Variants in CACNA1E observed in about 807,000 individuals in gnomAD.
CACNA1E encodes calcium voltage-gated channel subunit alpha1 E, also known as voltage-dependent R-type calcium channel subunit alpha-1E.
A neutral mutation model predicts 259.2 loss-of-function variants in CACNA1E; 40 were observed. The observed-to-expected ratio is 0.15, with a 90% CI of 0.12 to 0.20. CACNA1E has a LOEUF of 0.20. CACNA1E is among the 10% of genes least tolerant of loss of function. CACNA1E has a pLI of 1.00. For missense variants in CACNA1E, 1,874 were observed against 3,040.1 expected (o/e 0.62, Z 9.02); for synonymous variants, 1,104 against 1,138.5 (o/e 0.97, Z 0.61).
intron 6 of CACNA1E, among the ~76,000 whole-genome samples, chr1:181,647,567 C>T (rs554093723): frequency 6.5e-4 from 99 of 152,336 alleles, no homozygotes; most frequent in Non-Finnish European, 1.3e-3. Flanking sequence ...CCGACTTCCA[C>T]TTCACGTGCT....
rs530820072 is a variant in CACNA1E at position 181,348,720 on chromosome 1, A to C, written c.-15+30597A>C. The stretch of plus-strand genomic sequence containing the variant: ...GGGTGAGTTCTCCTTTCTCCTCTTA[A>C]ATGCTCCAGCCTTGAAAGCCATATT... On this transcript the variant is annotated intron_variant, in intron 1 of 11. Transcript: ENST00000524607. Among the ~76,000 whole-genome samples, 188 of 152,194 alleles carry C rather than the reference A, an allele frequency of 1.2e-3. 1 individual carries two copies. Among genetic ancestry groups the C allele is most frequent in the African/African-American group, 4.3e-3 (180 of 41,524 alleles).
At chr1:181,738,474 C>A (rs1656263725) in intron 24 of CACNA1E, 48 bp downstream of exon 24, 2 of 1,416,110 alleles carry the variant, frequency 1.4e-6, no homozygotes, top group Non-Finnish European at 2.0e-6. Context: ...AGATGGGTCA[C>A]CTGTCTGCTC....
chr1:181,796,960 C>A, intron 47 of CACNA1E, 102 bp downstream of exon 47: 1 of 781,620 alleles, frequency 1.3e-6, no homozygotes, highest in Non-Finnish European at 2.0e-6. Flanking sequence ...ATTCAAGTAC[C>A]CACAAAGACT....
At chr1:181,351,873 A>T (rs1653069060) in intron 1 of CACNA1E, among the ~76,000 whole-genome samples, 1 of 152,180 alleles carries the variant, frequency 6.6e-6, no homozygotes, top group Non-Finnish European at 1.5e-5. Flanking sequence ...CTCTTTTGCT[A>T]TATTAGGGTC....
At position 181,762,588 on chromosome 1, in the gene CACNA1E, C is replaced by T; in HGVS notation, c.4620C>T (p.Asp1540=). The change falls in exon 33 of 48, where the codon GAC becomes GAT. Residue 1540 remains aspartate (D), a synonymous_variant. Transcript: ENST00000367573. ...TCATTTGGCAGAACTATTTCCGAGA[C>T]ACCTGGAATATCTTTGACTTCATCA... ...IAFGFLNYFR[D]TWNIFDFITV... is the part of the protein sequence containing the mutation. 6.2e-7 allele frequency: 1 copy of T among 1,606,120 alleles called. No homozygotes were observed.
At chr1:181,435,050 C>T (rs1309388624) in intron 2 of CACNA1E, among the ~76,000 whole-genome samples, 1 of 152,212 alleles carries the variant, frequency 6.6e-6, no homozygotes, top group Non-Finnish European at 1.5e-5. Context: ...TATCATCAGT[C>T]AAAACTGCAT....
intron 2 of CACNA1E, among the ~76,000 whole-genome samples, chr1:181,429,804 C>G (rs1659586105): frequency 6.6e-6 from 1 of 152,186 alleles, no homozygotes; most frequent in African/African-American, 2.4e-5. Flanking sequence ...AGACCCCAAC[C>G]CTCAAAGATT....
Position 181,732,208 on chromosome 1 carries a change from C to T in CACNA1E, c.2298-176C>T, listed in dbSNP as rs898989069. ...GGCTGGGAGGCACCTGCCTGATGAG[C>T]TCCTCACGTGTGGCCCGCCTGCTCC... On this transcript the variant is annotated intron_variant, in intron 19 of 47. Transcript: ENST00000367573. The surrounding 1 kb of genome is among the most constrained non-coding windows in gnomAD (Gnocchi z 5.5). Among the ~76,000 whole-genome samples the T allele has an allele frequency of 3.9e-5, 6 of 152,160 alleles. No homozygotes were observed. The highest frequency in any genetic ancestry group is 2.1e-4 in the South Asian group (1 of 4,836).
Position 181,483,995 on chromosome 1 carries a change from A to G in CACNA1E, c.251A>G (p.Lys84Arg). ...AACATTGTCAGGAAATATGCCAAGA[A>G]GCTCATCGATTGGCCATATCCTTTC... ...EDNIVRKYAK[K>R]LIDWPPFEYM... is the part of the protein sequence containing the mutation. The change falls in exon 1 of 48, where the codon AAG (lysine) becomes AGG (arginine). Residue 84 changes from lysine (K) to arginine (R), a missense_variant. Coordinates refer to ENST00000367573, the MANE Select transcript of CACNA1E (RefSeq NM_001205293.3). 6.2e-7 allele frequency: 1 copy of G among 1,613,702 alleles called. No individual in the cohort carries two copies.
At chr1:181,458,239 G>A (rs968739942) in intron 2 of CACNA1E, among the ~76,000 whole-genome samples, 1 of 152,184 alleles carries the variant, frequency 6.6e-6, no homozygotes, top group African/African-American at 2.4e-5. Context: ...GGCCACGGAG[G>A]CAGAAGAAGA....
intron 1 of CACNA1E, among the ~76,000 whole-genome samples, chr1:181,380,089 G>A (rs1016940772): frequency 1.9e-4 from 28 of 149,770 alleles, no homozygotes; most frequent in Admixed American, 6.7e-5. Context: ...GCAAAGAGTT[G>A]TAGGTAATAA....
At chr1:181,516,343 CCACACACACACACACACACA>C (rs3080529) in intron 3 of CACNA1E, among the ~76,000 whole-genome samples, 3 of 143,332 alleles carry the variant, frequency 2.1e-5, no homozygotes, top group Admixed American at 6.9e-5. Flanking sequence ...GTGCCAAAGA[CCACACACACACACACACACA>C]CACACACACA....
intron 1 of CACNA1E, among the ~76,000 whole-genome samples, chr1:181,353,442 C>T (rs1653188657): frequency 6.6e-6 from 1 of 152,162 alleles, no homozygotes; most frequent in Admixed American, 6.5e-5. Context: ...CATATCTGCT[C>T]TGAAGTCTGA....
chr1:181,442,892 C>G (rs944369728), intron 2 of CACNA1E, among the ~76,000 whole-genome samples: 2 of 152,190 alleles, frequency 1.3e-5, no homozygotes, highest in Non-Finnish European at 2.9e-5. Context: ...GCTGCTCCCT[C>G]TGCAGGAAGT....
chr1:181,714,472 G>A (rs1248269918), intron 8 of CACNA1E, among the ~76,000 whole-genome samples: 1 of 151,996 alleles, frequency 6.6e-6, no homozygotes, highest in Admixed American at 6.6e-5. Context: ...CATTACATAG[G>A]CATGCTCGAT....
intron 2 of CACNA1E, among the ~76,000 whole-genome samples, chr1:181,476,303 G>A (rs1298720478): frequency 6.6e-6 from 1 of 152,214 alleles, no homozygotes; most frequent in African/African-American, 2.4e-5. Flanking sequence ...TATACTAGGT[G>A]GGTGTAACCA....
intron 6 of CACNA1E, among the ~76,000 whole-genome samples, chr1:181,613,841 C>T (rs1441964644): frequency 6.6e-6 from 1 of 152,138 alleles, no homozygotes; most frequent in South Asian, 2.1e-4. Flanking sequence ...GACATCTTTC[C>T]TCCTCGATGA....
chr1:181,341,992 G>A (rs891523729), intron 1 of CACNA1E, among the ~76,000 whole-genome samples: 1 of 152,190 alleles, frequency 6.6e-6, no homozygotes. Context: ...GTTCCTGGAA[G>A]GAAACAGGAC....
chr1:181,679,139 G>A (rs1649670371), intron 7 of CACNA1E, among the ~76,000 whole-genome samples: 1 of 152,210 alleles, frequency 6.6e-6, no homozygotes, highest in Admixed American at 6.5e-5. Context: ...ATAGGGAGTA[G>A]AGTTGTAAAC....
Sources: gnomAD v4.1 joint callset for allele counts (sites outside exome capture counted in the v4.1 genomes callset) on GRCh38, gnomAD v4.1.1 for gene constraint, Gnocchi (gnomAD v3.1) non-coding constraint, MANE v1.5 for transcripts, NCBI Gene and HGNC (gene_info 2026-07-23, HGNC 2026-07-21) for gene names.